The following PAPPA variants were observed in gnomAD, a reference collection of about 807,000 sequenced individuals.
PAPPA encodes pappalysin-1.
Under a neutral mutation model 164.0 loss-of-function variants are expected in PAPPA, and 60 were observed. The ratio of observed to expected loss-of-function variants is 0.37; its 90% CI spans 0.30 to 0.45. PAPPA has a LOEUF of 0.45. Ranked by LOEUF, PAPPA falls within the 20% of genes least tolerant of loss-of-function variation. The pLI is 1.00. For synonymous variants in PAPPA, 875 were observed against 814.1 expected (o/e 1.07, Z -1.27); for missense variants, 1,782 against 2,087.3 (o/e 0.85, Z 2.85).
chr9:116,388,890 C>T (rs531455145), intron 21 of PAPPA, among the ~76,000 whole-genome samples: 1 of 152,282 alleles, frequency 6.6e-6, no homozygotes, highest in South Asian at 2.1e-4. Flanking sequence ...TAAACCCTAC[C>T]TAAATGAGAA....
intron 9 of PAPPA, among the ~76,000 whole-genome samples, chr9:116,287,897 C>T (rs1845361159): frequency 6.6e-6 from 1 of 152,166 alleles, no homozygotes; most frequent in Non-Finnish European, 1.5e-5. Context: ...ATGACTCAAT[C>T]TGCAGTCTCA....
chr9:116,284,284 T>C (rs1282699861), intron 9 of PAPPA, among the ~76,000 whole-genome samples: 1 of 152,232 alleles, frequency 6.6e-6, no homozygotes, highest in Non-Finnish European at 1.5e-5. Context: ...CATGAGATTC[T>C]ATTAAATAGC....
In PAPPA at chr9:116,154,313, C is replaced by G; in HGVS notation, c.141C>G (p.Cys47Trp). The part of the protein sequence containing the change: ...PPRPAAGPAT[C>W]ATRAARGRRA... ...GCCCCGCCGCCGGCCCGGCCACCTG[C>G]GCCACCCGGGCGGCCCGCGGCCGCC... Residue 47 changes from cysteine (C) to tryptophan (W), a missense_variant, in exon 1 of 22, where the codon TGC becomes TGG. Around this residue, in one of 2 missense-constraint regions of PAPPA, gnomAD observed 458 missense variants for 430.3 expected, o/e 1.06. Coordinates refer to ENST00000328252, the MANE Select transcript of PAPPA (RefSeq NM_002581.5). This position sits in a 1 kb window ranked among gnomAD's most constrained non-coding sequence, Gnocchi z 5.2. The G allele has an allele frequency of 1.1e-6, 1 of 900,294 alleles. No homozygotes were observed. The highest frequency in any genetic ancestry group is 1.3e-6 in the Non-Finnish European group (1 of 755,522). 55.8% of individuals were successfully genotyped at this position (900,294 alleles called of 1,614,324 possible). A position where few individuals can be genotyped will look rare whatever the true frequency, so the allele number is the denominator to read the frequency against.
chr9:116,396,558 G>A lies in PAPPA; in HGVS notation c.4826G>A (p.Arg1609Gln), dbSNP rs762593672. ...SCDLQGDCAC[R>Q]DPQAQEHSRK... ...GATCTACAAGGTGACTGTGCTTGTC[G>A]GGACCCCCAGGCCCAAGAACACAGC... The change falls in exon 22 of 22, where the codon CGG becomes CAG. Residue 1609 changes from arginine (R) to glutamine (Q), a missense_variant. Transcript: ENST00000328252. 2.6e-6 allele frequency: 2 copies of A among 780,640 alleles called. No individual in the cohort carries two copies. Among genetic ancestry groups the A allele is most frequent in the East Asian group, 2.4e-5 (1 of 41,224 alleles). The allele number at this position is 780,640 out of a possible 1,614,324, so 48.4% of individuals were successfully genotyped here.
rs1847063327 is a variant in PAPPA, at chr9:116,401,939, C to T, written c.*5323C>T. 1 of 151,574 alleles carries T rather than the reference C, an allele frequency of 6.6e-6. No individual in the cohort carries two copies. The highest frequency in any genetic ancestry group is 1.5e-5 in the Non-Finnish European group (1 of 67,804). The allele number at this position is 151,574 out of a possible 1,614,324, so 9.4% of individuals were successfully genotyped here. The stretch of plus-strand genomic sequence containing the variant: ...ACACAATTCCAATCCTTTTTCTGTA[C>T]CTCACGCGCATAAATTTGCTGCTCC... On this transcript the variant is annotated 3_prime_UTR_variant, in exon 22 of 22. Coordinates refer to ENST00000328252, the MANE Select transcript of PAPPA (RefSeq NM_002581.5).
At chr9:116,383,888 CA>C (rs1400825670) in intron 21 of PAPPA, among the ~76,000 whole-genome samples, 5 of 152,056 alleles carry the variant, frequency 3.3e-5, no homozygotes, top group South Asian at 2.1e-4. Context: ...GGAATTTTAT[CA>C]TTTTTTTCTA....
At chr9:116,323,151 A>G (rs1845880952) in intron 10 of PAPPA, among the ~76,000 whole-genome samples, 1 of 152,132 alleles carries the variant, frequency 6.6e-6, no homozygotes, top group Non-Finnish European at 1.5e-5. Flanking sequence ...ACTGGATTTA[A>G]AAAAACCCTT....
At chr9:116,231,961 T>A (rs1299638819) in intron 6 of PAPPA, among the ~76,000 whole-genome samples, 1 of 150,966 alleles carries the variant, frequency 6.6e-6, no homozygotes, top group Non-Finnish European at 1.5e-5. Context: ...ACCATGTAGG[T>A]CAGGCTGGTC....
At chr9:116,277,515 A>C (rs1210722922) in intron 9 of PAPPA, among the ~76,000 whole-genome samples, 2 of 152,146 alleles carry the variant, frequency 1.3e-5, no homozygotes, top group Non-Finnish European at 2.9e-5. Context: ...CAGTTTTTTC[A>C]ATCATAAAAT....
intron 21 of PAPPA, among the ~76,000 whole-genome samples, chr9:116,384,714 A>C (rs140706410): frequency 2.0e-5 from 3 of 152,252 alleles, no homozygotes; most frequent in African/African-American, 7.2e-5. Context: ...CAAGGGAGGG[A>C]TGTAAGCATA....
rs111743976 is a variant in PAPPA at position 116,279,582 on chromosome 9, G to A, written c.2953+8166G>A. Among the ~76,000 whole-genome samples, 5 of 152,146 alleles carry A rather than the reference G, an allele frequency of 3.3e-5. No homozygotes were observed. The South Asian group carries it at 6.2e-4, about 19-fold the overall frequency. ...AGGAAGGGGTCAGGCTCAGGGAACC[G>A]ACTTGGTGCTTGCTTGAATGTGAGG... On this transcript the variant is annotated intron_variant, in intron 9 of 21. Coordinates refer to ENST00000328252, the MANE Select transcript of PAPPA (RefSeq NM_002581.5).
chr9:116,351,910 G>T (rs965553316), intron 15 of PAPPA, among the ~76,000 whole-genome samples: 2 of 152,166 alleles, frequency 1.3e-5, no homozygotes, highest in East Asian at 3.9e-4. Flanking sequence ...GGAGAGTTTG[G>T]TGGAGAAACA....
At chr9:116,319,761 T>A (rs1845831059) in intron 10 of PAPPA, among the ~76,000 whole-genome samples, 1 of 152,188 alleles carries the variant, frequency 6.6e-6, no homozygotes, top group Non-Finnish European at 1.5e-5. Flanking sequence ...AGGTGTGGCC[T>A]TGGCACCTTA....
chr9:116,263,406 C>A (rs150909176), intron 7 of PAPPA, among the ~76,000 whole-genome samples: 2 of 152,254 alleles, frequency 1.3e-5, no homozygotes, highest in East Asian at 3.9e-4. Flanking sequence ...CATCAAGCCA[C>A]GGCACACATG....
chr9:116,190,656 G>T (rs542991964), intron 2 of PAPPA, among the ~76,000 whole-genome samples: 2 of 152,256 alleles, frequency 1.3e-5, no homozygotes, highest in Admixed American at 1.3e-4. Context: ...ATGAAGAGCA[G>T]CTGGCCTTTG....
At chr9:116,311,309 T>G (rs185605904) in intron 10 of PAPPA, among the ~76,000 whole-genome samples, 122 of 152,284 alleles carry the variant, frequency 8.0e-4, no homozygotes, top group Non-Finnish European at 1.3e-3. Flanking sequence ...AAGCAACCAC[T>G]GCTCTCAGGC....
chr9:116,372,180 C>A (rs913678183), intron 19 of PAPPA, among the ~76,000 whole-genome samples: 3 of 151,982 alleles, frequency 2.0e-5, no homozygotes, highest in African/African-American at 7.3e-5. Context: ...GGTGGAAATG[C>A]CCCTCAGGTT....
At chr9:116,204,414 G>A (rs925991110) in intron 2 of PAPPA, among the ~76,000 whole-genome samples, 6 of 152,120 alleles carry the variant, frequency 3.9e-5, no homozygotes, top group Admixed American at 2.6e-4. Flanking sequence ...ATGTTTGTTT[G>A]CTTTTGGTTT....
chr9:116,174,914 C>T (rs1843813940), intron 1 of PAPPA, among the ~76,000 whole-genome samples: 1 of 151,966 alleles, frequency 6.6e-6, no homozygotes, highest in African/African-American at 2.4e-5. Context: ...GCACAAGTTC[C>T]CGTCTTATTA....
Sources: gnomAD v4.1 joint callset for allele counts (sites outside exome capture counted in the v4.1 genomes callset) on GRCh38, gnomAD v4.1.1 for gene constraint, gnomAD v4.1.1 regional missense constraint, Gnocchi (gnomAD v3.1) non-coding constraint, MANE v1.5 for transcripts, NCBI Gene and HGNC (gene_info 2026-07-23, HGNC 2026-07-21) for gene names.